Variants in CRY2 observed in about 807,000 individuals in gnomAD.
The protein encoded by CRY2 is cryptochrome circadian regulator 2, also known as cryptochrome-2.
In CRY2, 31 loss-of-function variants were observed where a neutral mutation model predicts 69.5. That is an observed-to-expected ratio of 0.45 (90% CI 0.34 to 0.60). The LOEUF is 0.60. Among genes scored for constraint, CRY2 ranks in the 20% least tolerant of loss-of-function variants. The probability of loss-of-function intolerance (pLI) is 0.02; values close to 1 mark genes in which losing one functional copy is unlikely to be tolerated. For synonymous variants in CRY2, 303 were observed against 312.2 expected, an observed-to-expected ratio of 0.97 and a Z score of 0.31; for missense variants, 606 against 797.8, an observed-to-expected ratio of 0.76 and a Z score of 2.90.
chr11:45,857,799 G>T (rs560653958), intron 2 of CRY2, among the ~76,000 whole-genome samples: 2 of 152,318 alleles, frequency 1.3e-5, no homozygotes, highest in South Asian at 4.1e-4. Context: ...CTATAAGCAT[G>T]GTACCTGGCA....
intron 5 of CRY2, among the ~76,000 whole-genome samples, chr11:45,863,238 A>G (rs567620300): frequency 5.3e-5 from 8 of 152,324 alleles, no homozygotes; most frequent in Admixed American, 3.3e-4. Context: ...TTTGAAGACA[A>G]AGGTTGGGCC....
chr11:45,871,559 G>A (rs1056672009), intron 10 of CRY2, among the ~76,000 whole-genome samples: 1 of 152,196 alleles, frequency 6.6e-6, no homozygotes, highest in Non-Finnish European at 1.5e-5. Context: ...GCACAGGGAG[G>A]CCAGAGAGGA....
chr11:45,867,525 G>A (rs2086340479), intron 5 of CRY2, 87 bp from the exon 6 acceptor site: 5 of 1,554,708 alleles, frequency 3.2e-6, no homozygotes, highest in East Asian at 4.5e-5. Flanking sequence ...TGTGACCGTA[G>A]GCAGATTCCT....
intron 4 of CRY2, 126 bp downstream of exon 4, chr11:45,861,158 C>T (rs1417611777): frequency 6.6e-6 from 7 of 1,056,644 alleles, no homozygotes; most frequent in Non-Finnish European, 9.3e-6. Flanking sequence ...ATGGAAATGG[C>T]AGTCACTATT....
rs145426016 is a variant in CRY2 at position 45,858,839 on chromosome 11, A to G, written c.433A>G (p.Thr145Ala). ...MAKEAGVEVVTENSHTLYDLD... is the reference protein window; with the variant it reads ...MAKEAGVEVVAENSHTLYDLD... ...CAAGGAGGCTGGTGTGGAAGTAGTG[A>G]CGGAGAATTCTCATACCCTCTATGA... The change falls in exon 3 of 12, where the codon ACG becomes GCG. Residue 145 changes from threonine to alanine, a missense_variant. Coordinates refer to ENST00000616080, the MANE Select transcript of CRY2 (RefSeq NM_021117.5). The G allele has an allele frequency of 2.2e-5, 35 of 1,614,046 alleles. No homozygotes were observed. The African/African-American group carries it at 4.5e-4, about 21-fold the overall frequency.
At chr11:45,867,448 G>A in intron 5 of CRY2, 164 bp from the exon 6 acceptor site, 1 of 781,688 alleles carries the variant, frequency 1.3e-6, no homozygotes, top group Non-Finnish European at 2.0e-6. Context: ...TGTTTGGTCT[G>A]ATGGTGGTTC....
chr11:45,872,981 C>T (rs139545137), intron 11 of CRY2, among the ~76,000 whole-genome samples: 1 of 152,300 alleles, frequency 6.6e-6, no homozygotes, highest in East Asian at 1.9e-4. Flanking sequence ...GACCAGTAGA[C>T]CCAGTCTGTC....
chr11:45,847,518 G>T lies in CRY2; in HGVS notation c.28G>T (p.Ala10Ser). 6.3e-7 allele frequency: 1 copy of T among 1,590,802 alleles called. No individual in the cohort carries two copies. The highest frequency in any genetic ancestry group is 8.5e-7 in the Non-Finnish European group (1 of 1,173,078). Residue 10 changes from alanine to serine, a missense_variant, in exon 1 of 12, where the codon GCT becomes TCT. Ala to Ser is a moderately conservative substitution (Grantham distance 99, BLOSUM62 1). Around this residue, in one of 5 missense-constraint regions of CRY2, gnomAD observed 45 missense variants for 35.7 expected, o/e 1.26. Coordinates refer to ENST00000616080, the MANE Select transcript of CRY2 (RefSeq NM_021117.5). MAATVATAAAVAPAPAPGTD... is the reference protein window; with the variant it reads MAATVATAASVAPAPAPGTD... The stretch of plus-strand genomic sequence containing the variant: ...GGCGGCGACTGTGGCGACGGCGGCA[G>T]CTGTGGCCCCGGCGCCAGCGCCCGG...
At chr11:45,849,568 T>C (rs1039862366) in intron 1 of CRY2, among the ~76,000 whole-genome samples, 1 of 151,864 alleles carries the variant, frequency 6.6e-6, no homozygotes, top group East Asian at 1.9e-4. Flanking sequence ...CTGCTGTGCA[T>C]TGGAATCCCA....
chr11:45,872,096 A>G lies in CRY2; in HGVS notation c.1647A>G (p.Pro549=). The change falls in exon 11 of 12, where the codon CCA becomes CCG. Residue 549 remains proline, a synonymous_variant. Coordinates refer to ENST00000616080, the MANE Select transcript of CRY2 (RefSeq NM_021117.5). ...CTTTGACACGCTTCCCTACAGGCCC[A>G]AGACCACTACCCAGTGGCCCAGCAT... ...SQAGSMSSAG[P]RPLPSGPASP... 1 of 1,614,030 alleles carries G rather than the reference A, an allele frequency of 6.2e-7. No individual in the cohort carries two copies. The highest frequency in any genetic ancestry group is 8.5e-7 in the Non-Finnish European group (1 of 1,179,928).
intron 5 of CRY2, among the ~76,000 whole-genome samples, chr11:45,865,153 T>C (rs552232934): frequency 6.6e-6 from 1 of 151,720 alleles, no homozygotes; most frequent in South Asian, 2.1e-4. Flanking sequence ...ACACAAAGAA[T>C]AACTGTGAAA....
At chr11:45,878,005 C>T (rs1351253358) in intron 11 of CRY2, among the ~76,000 whole-genome samples, 1 of 152,188 alleles carries the variant, frequency 6.6e-6, no homozygotes, top group African/African-American at 2.4e-5. Flanking sequence ...CCTTCATGAG[C>T]CTGCCCAAAA....
chr11:45,852,989 G>A (rs1430532497), intron 1 of CRY2, among the ~76,000 whole-genome samples: 1 of 152,200 alleles, frequency 6.6e-6, no homozygotes. Flanking sequence ...GTTGGCCTGT[G>A]GTGCTCCCTA....
intron 2 of CRY2, 115 bp downstream of exon 2, chr11:45,856,205 C>T: frequency 1.1e-6 from 1 of 883,868 alleles, no homozygotes; most frequent in East Asian, 2.5e-5. Flanking sequence ...GCTGGTCTGG[C>T]TGTTGCTGCT....
chr11:45,847,177 G>C (rs1263932845), upstream of CRY2: 9 of 1,548,866 alleles, frequency 5.8e-6, no homozygotes, highest in Admixed American at 1.2e-4. Flanking sequence ...TGTCCCTTGA[G>C]ACTTGGCCTA....
Position 45,870,214 on chromosome 11 carries a change from C to A in CRY2, c.1346+10C>A. ...GTGGGGACTACATCAGGTGAGGATA[C>A]AGACCAGGCTCTCTGGCCTCTGACC... is the stretch of plus-strand genomic sequence containing the variant. On this transcript the variant is annotated intron_variant, in intron 8 of 11. Transcript: ENST00000616080. The A allele has an allele frequency of 1.9e-6, 3 of 1,610,450 alleles. No individual in the cohort carries two copies. The highest frequency in any genetic ancestry group is 2.5e-6 in the Non-Finnish European group (3 of 1,177,762).
Position 45,867,622 on chromosome 11 carries a change from C to T in CRY2, c.752C>T (p.Ala251Val). The change falls in exon 6 of 12, where the codon GCC becomes GTC. Residue 251 changes from alanine to valine, a missense_variant. Ala to Val is a moderately conservative substitution (Grantham distance 64, BLOSUM62 0). Transcript: ENST00000616080. ...DKHLERKAWV[A>V]NYERPRMNAN... ...CTCTTTCTGCTGTAGGCCTGGGTTG[C>T]CAACTATGAGAGACCCCGAATGAAC... 1 of 1,614,194 alleles carries T rather than the reference C, an allele frequency of 6.2e-7. No individual in the cohort carries two copies. Among genetic ancestry groups the T allele is most frequent in the Non-Finnish European group, 8.5e-7 (1 of 1,180,028 alleles).
intron 11 of CRY2, among the ~76,000 whole-genome samples, chr11:45,879,615 C>G (rs1439573726): frequency 6.6e-6 from 1 of 152,160 alleles, no homozygotes; most frequent in African/African-American, 2.4e-5. Context: ...TTTGGCTCTG[C>G]CACTTATGAA....
At chr11:45,867,410 AG>A in intron 5 of CRY2, 1 of 590,360 alleles carries the variant, frequency 1.7e-6, no homozygotes. Flanking sequence ...CAAATTAAAG[AG>A]CAAGTCAGAG....
Sources: gnomAD v4.1 joint callset for allele counts (sites outside exome capture counted in the v4.1 genomes callset) on GRCh38, gnomAD v4.1.1 for gene constraint, gnomAD v4.1.1 regional missense constraint, MANE v1.5 for transcripts, NCBI Gene and HGNC (gene_info 2026-07-23, HGNC 2026-07-21) for gene names.